The following ITGBL1 variants were observed in gnomAD, a reference collection of about 807,000 sequenced individuals.
ITGBL1 encodes integrin subunit beta like 1, also known as integrin beta-like protein 1.
A neutral mutation model predicts 68.5 loss-of-function variants in ITGBL1; 51 were observed. The ratio of observed to expected loss-of-function variants is 0.74; its 90% CI spans 0.59 to 0.94. The LOEUF is 0.94. Ranked by LOEUF, ITGBL1 falls within the 40% of genes least tolerant of loss-of-function variation. ITGBL1 has a pLI of 0.00. For synonymous variants in ITGBL1, 209 were observed against 227.3 expected (o/e 0.92, Z 0.72); for missense variants, 649 against 647.4 (o/e 1.00, Z -0.03).
chr13:101,549,404 T>G (rs2049883241), intron 2 of ITGBL1, among the ~76,000 whole-genome samples: 2 of 151,846 alleles, frequency 1.3e-5, no homozygotes, highest in Non-Finnish European at 2.9e-5. Flanking sequence ...TCACAAAACT[T>G]AGAATTCATA....
chr13:101,602,408 C>T (rs374958662), intron 7 of ITGBL1, among the ~76,000 whole-genome samples: 2 of 151,954 alleles, frequency 1.3e-5, no homozygotes, highest in East Asian at 1.9e-4. Flanking sequence ...AATGCAATTT[C>T]ACTTCCCACA....
Position 101,709,783 on chromosome 13 carries a change from G to A in ITGBL1, c.1279+2881G>A, listed in dbSNP as rs565337396. ...TGAATCATTAACACTTTCCATAAGCGGGTCTTCCCTAAGACCTGTCCAACT... is the reference window on the plus strand; with the variant it reads ...TGAATCATTAACACTTTCCATAAGCAGGTCTTCCCTAAGACCTGTCCAACT... On this transcript the variant is annotated intron_variant, in intron 9 of 10. Coordinates refer to ENST00000376180, the MANE Select transcript of ITGBL1 (RefSeq NM_004791.3). Among the ~76,000 whole-genome samples the A allele has an allele frequency of 9.9e-5, 15 of 152,246 alleles. 1 individual carries two copies. Among genetic ancestry groups the A allele is most frequent in the African/African-American group, 3.1e-4 (13 of 41,524 alleles).
intron 9 of ITGBL1, among the ~76,000 whole-genome samples, chr13:101,708,056 C>T (rs77879732): frequency 1.6e-5 from 2 of 128,220 alleles, no homozygotes; most frequent in African/African-American, 5.6e-5. Flanking sequence ...CACACACACA[C>T]ACACACACAC....
chr13:101,627,086 A>G (rs1044037627), intron 7 of ITGBL1, among the ~76,000 whole-genome samples: 14 of 152,264 alleles, frequency 9.2e-5, no homozygotes, highest in Non-Finnish European at 2.1e-4. Flanking sequence ...ATAAGGATTG[A>G]AACTTGCGGT....
chr13:101,452,842 C>T lies in ITGBL1; in HGVS notation c.9C>T (p.Pro3=). The T allele has an allele frequency of 6.2e-7, 1 of 1,614,106 alleles. No homozygotes were observed. Among genetic ancestry groups the T allele is most frequent in the African/African-American group, 1.3e-5 (1 of 75,054 alleles). Reference sequence around the variant, plus strand: ...CAGCCCAGGAGCTCAGCATGCGTCCCCCAGGCTTCAGGAACTTCTTGCTGC... The same window carrying T: ...CAGCCCAGGAGCTCAGCATGCGTCCTCCAGGCTTCAGGAACTTCTTGCTGC... MR[P]PGFRNFLLLA... The change falls in exon 1 of 11, where the codon CCC becomes CCT. Residue 3 remains proline, a synonymous_variant. Coordinates refer to ENST00000376180, the MANE Select transcript of ITGBL1 (RefSeq NM_004791.3).
At chr13:101,518,814 T>A (rs2049236641) in intron 2 of ITGBL1, among the ~76,000 whole-genome samples, 2 of 152,014 alleles carry the variant, frequency 1.3e-5, no homozygotes, top group East Asian at 3.9e-4. Context: ...TTGTAAACAC[T>A]GTCTTGCTTA....
intron 2 of ITGBL1, among the ~76,000 whole-genome samples, chr13:101,525,098 G>A (rs189455089): frequency 5.3e-5 from 8 of 152,112 alleles, no homozygotes; most frequent in African/African-American, 1.9e-4. Context: ...CTTCATAAGG[G>A]TGCTCAATGT....
At chr13:101,485,186 C>T (rs189784633) in intron 2 of ITGBL1, among the ~76,000 whole-genome samples, 5 of 152,148 alleles carry the variant, frequency 3.3e-5, no homozygotes, top group Admixed American at 6.5e-5. Flanking sequence ...CATCACTGGT[C>T]GATGTCAGCT....
intron 6 of ITGBL1, among the ~76,000 whole-genome samples, chr13:101,595,273 G>A (rs1594913338): frequency 2.0e-5 from 3 of 151,798 alleles, no homozygotes; most frequent in Admixed American, 6.6e-5. Context: ...AACAAAAGAG[G>A]TTGGGAGGAG....
At chr13:101,644,741 C>A (rs928096636) in intron 7 of ITGBL1, among the ~76,000 whole-genome samples, 2 of 151,994 alleles carry the variant, frequency 1.3e-5, no homozygotes, top group African/African-American at 4.8e-5. Flanking sequence ...TCCAGTAACT[C>A]TTTTTTAGAT....
At chr13:101,646,303 G>A (rs879822059) in intron 7 of ITGBL1, among the ~76,000 whole-genome samples, 7 of 149,354 alleles carry the variant, frequency 4.7e-5, no homozygotes, top group South Asian at 2.1e-4. Flanking sequence ...ATTTTACCTT[G>A]TTGTATTTCA....
At chr13:101,526,659 ATG>A (rs35919129) in intron 2 of ITGBL1, among the ~76,000 whole-genome samples, 14,963 of 149,234 alleles carry the variant, frequency 0.1, 1,229 homozygotes, top group African/African-American at 0.23. Context: ...TTGAAGTTAT[ATG>A]TGTGTGTGTG....
At chr13:101,657,280 T>G (rs2032955797) in intron 7 of ITGBL1, among the ~76,000 whole-genome samples, 1 of 152,258 alleles carries the variant, frequency 6.6e-6, no homozygotes. Context: ...TTTATTATTT[T>G]GCTTCTTGAT....
intron 7 of ITGBL1, among the ~76,000 whole-genome samples, chr13:101,657,124 C>T (rs897995319): frequency 2.0e-5 from 3 of 152,066 alleles, no homozygotes; most frequent in Non-Finnish European, 4.4e-5. Flanking sequence ...TTGACTTGGC[C>T]TTAAATATAA....
intron 2 of ITGBL1, among the ~76,000 whole-genome samples, chr13:101,522,319 T>G (rs1473860810): frequency 6.6e-6 from 1 of 152,130 alleles, no homozygotes; most frequent in East Asian, 1.9e-4. Flanking sequence ...TACAGACTAG[T>G]TACTTTGCAT....
At chr13:101,600,241 CTGT>C (rs1408410903) in intron 7 of ITGBL1, among the ~76,000 whole-genome samples, 2 of 151,882 alleles carry the variant, frequency 1.3e-5, no homozygotes, top group Non-Finnish European at 2.9e-5. Context: ...CTCTGTTTGT[CTGT>C]TGTTGGTGTA....
chr13:101,561,452 G>C (rs972935120), intron 2 of ITGBL1, among the ~76,000 whole-genome samples: 5 of 152,144 alleles, frequency 3.3e-5, no homozygotes, highest in African/African-American at 1.2e-4. Context: ...ATCCATGGCA[G>C]CTATGGGAAG....
chr13:101,571,731 T>C (rs941683840), intron 3 of ITGBL1, among the ~76,000 whole-genome samples: 7 of 152,300 alleles, frequency 4.6e-5, no homozygotes, highest in African/African-American at 1.4e-4. Flanking sequence ...ATTTTTTTCC[T>C]GTGCAAATGG....
intron 2 of ITGBL1, among the ~76,000 whole-genome samples, chr13:101,462,436 C>A (rs1166098281): frequency 6.6e-6 from 1 of 152,180 alleles, no homozygotes; most frequent in Non-Finnish European, 1.5e-5. Flanking sequence ...AAGTGCAGGG[C>A]ACTCTGTATG....
Sources: gnomAD v4.1 joint callset for allele counts (sites outside exome capture counted in the v4.1 genomes callset) on GRCh38, gnomAD v4.1.1 for gene constraint, MANE v1.5 for transcripts, NCBI Gene and HGNC (gene_info 2026-07-23, HGNC 2026-07-21) for gene names.